ZFHX3: variants seen among roughly 807,000 people sequenced by gnomAD.
ZFHX3 encodes the protein zinc finger homeobox protein 3.
In ZFHX3, 42 loss-of-function variants were observed where a neutral mutation model predicts 279.1. The observed-to-expected ratio is 0.15, with a 90% CI of 0.12 to 0.19. The LOEUF is 0.19. Among genes scored for constraint, ZFHX3 ranks in the 10% least tolerant of loss-of-function variants. The pLI is 1.00. For synonymous variants in ZFHX3, 2,293 were observed against 1,957.8 expected (o/e 1.17, Z -4.52); for missense variants, 4,981 against 4,754.0 (o/e 1.05, Z -1.40).
intron 1 of ZFHX3, among the ~76,000 whole-genome samples, chr16:72,996,336 A>T (rs1963290983): frequency 6.6e-6 from 1 of 152,180 alleles, no homozygotes; most frequent in Non-Finnish European, 1.5e-5. Flanking sequence ...TAAGCCCCTC[A>T]GTGTAGATAC....
intron 1 of ZFHX3, among the ~76,000 whole-genome samples, chr16:73,839,075 G>A (rs979075257): frequency 1.3e-5 from 2 of 151,982 alleles, no homozygotes; most frequent in African/African-American, 4.8e-5. Context: ...GTGGGTACTT[G>A]CAGCTCCCCT....
At chr16:73,089,846 A>C in intron 8 of ZFHX3, among the ~76,000 whole-genome samples, 1 of 152,208 alleles carries the variant, frequency 6.6e-6, no homozygotes. Flanking sequence ...TATCTGTAGG[A>C]TATAAGGATG....
rs186654525 is a variant in ZFHX3 at position 73,406,017 on chromosome 16, C to T, written c.-1291+49986G>A. Among the ~76,000 whole-genome samples, 298 of 152,324 alleles carry T rather than the reference C, an allele frequency of 2.0e-3. 4 individuals carry two copies. Among genetic ancestry groups the T allele is most frequent in the Non-Finnish European group, 4.6e-4 (31 of 68,034 alleles). On this transcript the variant is annotated intron_variant, in intron 3 of 17. Coordinates refer to the ZFHX3 transcript ENST00000641206. ...TCCAAGCAGCATCAGCGTAGATGCCCGTAGGGGCACACGCCGGGTAGAGGG... is the reference window on the plus strand; with the variant it reads ...TCCAAGCAGCATCAGCGTAGATGCCTGTAGGGGCACACGCCGGGTAGAGGG...
chr16:73,057,701 T>G (rs7202196), intron 1 of ZFHX3, among the ~76,000 whole-genome samples: 3 of 151,636 alleles, frequency 2.0e-5, no homozygotes, highest in African/African-American at 4.8e-5. Flanking sequence ...CAGGGCAGAG[T>G]CCCCTCTGGG....
At chr16:73,195,686 G>A (rs765861518) in intron 5 of ZFHX3, among the ~76,000 whole-genome samples, 1 of 152,078 alleles carries the variant, frequency 6.6e-6, no homozygotes, top group East Asian at 1.9e-4. Context: ...CAAAGTGCTG[G>A]GATTACAGGC....
intron 2 of ZFHX3, among the ~76,000 whole-genome samples, chr16:73,527,356 G>T (rs950619848): frequency 1.3e-5 from 2 of 152,140 alleles, no homozygotes; most frequent in Admixed American, 1.3e-4. Context: ...TTTGAGACAG[G>T]TTGTGTCTAT....
At chr16:73,353,417 G>T (rs562005873) in intron 3 of ZFHX3, among the ~76,000 whole-genome samples, 5 of 152,272 alleles carry the variant, frequency 3.3e-5, no homozygotes, top group African/African-American at 1.2e-4. Context: ...AGCACACACT[G>T]GATCATTTCT....
At chr16:72,865,669 A>C (rs994124723) in intron 4 of ZFHX3, among the ~76,000 whole-genome samples, 1 of 152,148 alleles carries the variant, frequency 6.6e-6, no homozygotes, top group Non-Finnish European at 1.5e-5. Flanking sequence ...CTGGCCAAAG[A>C]GGAAGGCTGT....
At chr16:73,030,962 A>T (rs1964677839) in intron 1 of ZFHX3, among the ~76,000 whole-genome samples, 2 of 152,166 alleles carry the variant, frequency 1.3e-5, no homozygotes, top group African/African-American at 4.8e-5. Context: ...GTTACAGAAG[A>T]TCCACACTTC....
intron 5 of ZFHX3, among the ~76,000 whole-genome samples, chr16:73,198,503 G>C (rs1968201312): frequency 7.6e-6 from 1 of 131,882 alleles, no homozygotes; most frequent in Non-Finnish European, 1.6e-5. Flanking sequence ...TCAAGTGAGA[G>C]CTTGGGGTTC....
intron 3 of ZFHX3, among the ~76,000 whole-genome samples, chr16:73,450,366 C>CT (rs1171172425): frequency 6.6e-6 from 1 of 152,024 alleles, no homozygotes; most frequent in Non-Finnish European, 1.5e-5. Flanking sequence ...ATTTGAAAGA[C>CT]TTTTTTAGGT....
chr16:73,034,242 C>T (rs747348676), intron 1 of ZFHX3, among the ~76,000 whole-genome samples: 1 of 152,076 alleles, frequency 6.6e-6, no homozygotes, highest in Admixed American at 6.5e-5. Flanking sequence ...CACTGGTCCT[C>T]GACTAGGGAA....
At chr16:73,654,096 A>G (rs1330021516) in intron 2 of ZFHX3, among the ~76,000 whole-genome samples, 2 of 151,390 alleles carry the variant, frequency 1.3e-5, no homozygotes, top group East Asian at 3.9e-4. Context: ...AGGCAGGAGA[A>G]TGGCATGAAC....
At chr16:73,266,526 T>A (rs995568224) in intron 4 of ZFHX3, among the ~76,000 whole-genome samples, 4 of 152,182 alleles carry the variant, frequency 2.6e-5, no homozygotes, top group African/African-American at 9.7e-5. Flanking sequence ...GTAATATTCA[T>A]CCACATGTCT....
intron 3 of ZFHX3, among the ~76,000 whole-genome samples, chr16:73,411,104 G>A (rs1300290743): frequency 1.3e-5 from 2 of 152,198 alleles, no homozygotes; most frequent in Non-Finnish European, 2.9e-5. Flanking sequence ...CAGCTTTCAT[G>A]CTGCTGGAAT....
chr16:73,058,211 G>A (rs890098340), intron 1 of ZFHX3, among the ~76,000 whole-genome samples: 4 of 145,016 alleles, frequency 2.8e-5, no homozygotes, highest in African/African-American at 9.9e-5. Flanking sequence ...CGGCGGCGCG[G>A]GGCCGGGGAG....
chr16:73,739,146 C>T (rs541197995), intron 1 of ZFHX3, among the ~76,000 whole-genome samples: 1 of 152,226 alleles, frequency 6.6e-6, no homozygotes, highest in African/African-American at 2.4e-5. Flanking sequence ...ACAACTAAAT[C>T]TCTGCATTGC....
intron 1 of ZFHX3, among the ~76,000 whole-genome samples, chr16:73,736,350 A>G (rs1232724839): frequency 1.3e-5 from 2 of 152,022 alleles, no homozygotes; most frequent in African/African-American, 4.8e-5. Context: ...TGGAAGGTCT[A>G]CTCTCTGCAA....
Position 73,821,823 on chromosome 16 carries a change from G to A in ZFHX3, c.-1608+69828C>T, listed in dbSNP as rs528523373. 1.4e-4 allele frequency among the ~76,000 whole-genome samples: 21 copies of A among 152,334 alleles called. No homozygotes were observed. The South Asian group carries it at 4.4e-3, about 32-fold the overall frequency. On this transcript the variant is annotated intron_variant, in intron 1 of 17. Coordinates refer to the ZFHX3 transcript ENST00000641206. Reference sequence around the variant, plus strand: ...CTGGGCTCAGTGGGAAGTCAAAGATGCTGTAGTGTGAAATGCACTTACATG... The same window carrying A: ...CTGGGCTCAGTGGGAAGTCAAAGATACTGTAGTGTGAAATGCACTTACATG...
Sources: allele counts gnomAD v4.1 joint callset (sites outside exome capture counted in the v4.1 genomes callset), GRCh38; gene constraint gnomAD v4.1.1; transcripts MANE v1.5; gene names NCBI Gene and HGNC (gene_info 2026-07-23, HGNC 2026-07-21).